Variants in PCDH11X observed in about 807,000 individuals in gnomAD.
The protein encoded by PCDH11X is protocadherin 11 X-linked.
In PCDH11X, 18 loss-of-function variants were observed where a neutral mutation model predicts 53.3. The ratio of observed to expected loss-of-function variants is 0.34; its 90% CI spans 0.23 to 0.50. The LOEUF is 0.50. Among genes scored for constraint, PCDH11X ranks in the 20% least tolerant of loss-of-function variants. The pLI, the probability that PCDH11X is intolerant of heterozygous loss-of-function variation, is 0.98. For synonymous variants in PCDH11X, 279 were observed against 393.3 expected, an observed-to-expected ratio of 0.71 and a Z score of 3.44; for missense variants, 570 against 1,032.4, an observed-to-expected ratio of 0.55 and a Z score of 6.14.
intron 6 of PCDH11X, among the ~76,000 whole-genome samples, chrX:91,967,331 G>A (rs2061881107): frequency 9.1e-6 from 1 of 110,466 alleles, no homozygotes; most frequent in African/African-American, 3.3e-5. Flanking sequence ...TGCACAGCAG[G>A]AGGTGAGCAG....
intron 6 of PCDH11X, among the ~76,000 whole-genome samples, chrX:92,078,020 A>G (rs2063801867): frequency 9.1e-6 from 1 of 110,361 alleles, no homozygotes; most frequent in African/African-American, 3.3e-5. Flanking sequence ...TATTAGCCCT[A>G]TGCTTGTTCC....
intron 8 of PCDH11X, among the ~76,000 whole-genome samples, chrX:92,265,852 T>C (rs1326994856): frequency 8.9e-6 from 1 of 112,160 alleles, no homozygotes; most frequent in Non-Finnish European, 1.9e-5. Context: ...TTAAAATAAG[T>C]GTTTTCATTG....
chrX:92,186,410 A>C (rs1461473722), intron 6 of PCDH11X, among the ~76,000 whole-genome samples: 1 of 111,486 alleles, frequency 9.0e-6, no homozygotes, highest in Non-Finnish European at 1.9e-5. Context: ...CGGGTGCATC[A>C]CCTGACATCG....
At chrX:91,830,935 A>G (rs1937083538) in intron 4 of PCDH11X, among the ~76,000 whole-genome samples, 1 of 111,691 alleles carries the variant, frequency 9.0e-6, no homozygotes, top group South Asian at 3.7e-4. Context: ...ATATATTACA[A>G]ATGAAACCAG....
At chrX:91,956,082 C>CT (rs1373005139) in intron 6 of PCDH11X, among the ~76,000 whole-genome samples, 3 of 110,226 alleles carry the variant, frequency 2.7e-5, no homozygotes, top group Non-Finnish European at 5.7e-5. Flanking sequence ...GCAACCCCTG[C>CT]TTTTTTCTAT....
At chrX:92,176,900 G>A (rs951731914) in intron 6 of PCDH11X, among the ~76,000 whole-genome samples, 2 of 110,675 alleles carry the variant, frequency 1.8e-5, no homozygotes, top group African/African-American at 3.3e-5. Flanking sequence ...TGGGAGTGGG[G>A]AGCAAAGATC....
intron 6 of PCDH11X, among the ~76,000 whole-genome samples, chrX:92,031,188 A>G (rs932254534): frequency 1.9e-4 from 21 of 111,017 alleles, no homozygotes; most frequent in Non-Finnish European, 4.0e-4. Context: ...AATTGGGGTG[A>G]CATTATATCT....
At chrX:92,186,628 CAAA>C (rs34913850) in intron 6 of PCDH11X, among the ~76,000 whole-genome samples, 2 of 63,486 alleles carry the variant, frequency 3.2e-5, no homozygotes, top group African/African-American at 6.7e-5. Flanking sequence ...AACTCCGTCT[CAAA>C]AAAAAAAAAA....
rs757873528 is a variant in PCDH11X at position 92,252,374 on chromosome X, T to TACACACACACACACACACACACAC, written c.3115-10739_3115-10716dup. The stretch of plus-strand genomic sequence containing the variant: ...TTCACAAGCTTCTAGTTTGTCATGT[T>TACACACACACACACACACACACAC]ACACACACACACACACACACACACG... On this transcript the variant is annotated intron_variant, in intron 7 of 10. Coordinates refer to ENST00000682573, the MANE Select transcript of PCDH11X (RefSeq NM_032968.5). Among the ~76,000 whole-genome samples, 36 of 104,607 alleles carry TACACACACACACACACACACACAC rather than the reference T, an allele frequency of 3.4e-4. 1 individual carries two copies. The highest frequency in any genetic ancestry group is 1.2e-3 in the African/African-American group (34 of 28,306). 90.8% of individuals were successfully genotyped at this position (104,607 alleles called of 115,157 possible).
chrX:92,239,453 A>G (rs1026643327), intron 7 of PCDH11X, among the ~76,000 whole-genome samples: 4 of 111,483 alleles, frequency 3.6e-5, no homozygotes, highest in African/African-American at 1.3e-4. Context: ...GGTAAATTTC[A>G]TTTCTATAAA....
At chrX:92,547,929 T>C (rs1170900666) in intron 10 of PCDH11X, among the ~76,000 whole-genome samples, 1 of 109,496 alleles carries the variant, frequency 9.1e-6, no homozygotes, top group Admixed American at 9.9e-5. Flanking sequence ...TATTAAAATG[T>C]CATTTTGGCA....
chrX:92,461,946 T>C (rs1267289178), intron 9 of PCDH11X, among the ~76,000 whole-genome samples: 2 of 112,363 alleles, frequency 1.8e-5, no homozygotes, highest in Admixed American at 9.4e-5. Flanking sequence ...CCTTCAAGTG[T>C]TTAAGTAAAA....
intron 10 of PCDH11X, among the ~76,000 whole-genome samples, chrX:92,524,880 A>G (rs1459690678): frequency 9.0e-6 from 1 of 111,535 alleles, no homozygotes; most frequent in Non-Finnish European, 1.9e-5. Flanking sequence ...GTCTCTAATC[A>G]GGACCTTATG....
At chrX:92,312,841 A>T (rs1209047879) in intron 8 of PCDH11X, among the ~76,000 whole-genome samples, 1 of 111,298 alleles carries the variant, frequency 9.0e-6, no homozygotes, top group Admixed American at 9.6e-5. Context: ...ACCCTGAATG[A>T]GAAGAATTAA....
chrX:92,473,078 A>G (rs1445051268), intron 10 of PCDH11X, among the ~76,000 whole-genome samples: 1 of 107,431 alleles, frequency 9.3e-6, no homozygotes, highest in Admixed American at 1.0e-4. Context: ...TCATCTGCAA[A>G]CAGAGATAGT....
At chrX:92,425,562 G>A (rs909739415) in intron 9 of PCDH11X, among the ~76,000 whole-genome samples, 2 of 110,228 alleles carry the variant, frequency 1.8e-5, no homozygotes, top group Non-Finnish European at 3.8e-5. Flanking sequence ...TGGGTTTGTC[G>A]TGCCTTTTTC....
intron 8 of PCDH11X, among the ~76,000 whole-genome samples, chrX:92,364,817 C>T (rs2070426896): frequency 1.0e-5 from 1 of 97,627 alleles, no homozygotes; most frequent in Admixed American, 1.2e-4. Flanking sequence ...ACGGGGATTC[C>T]TTGAGTCCGG....
intron 8 of PCDH11X, among the ~76,000 whole-genome samples, chrX:92,282,814 C>A (rs1025549167): frequency 9.0e-6 from 1 of 111,072 alleles, no homozygotes; most frequent in Non-Finnish European, 1.9e-5. Flanking sequence ...AGATTGCTAT[C>A]GTTTTTCATT....
At chrX:92,560,270 A>G (rs1354782955) in intron 10 of PCDH11X, among the ~76,000 whole-genome samples, 1 of 109,803 alleles carries the variant, frequency 9.1e-6, no homozygotes, top group Non-Finnish European at 1.9e-5. Flanking sequence ...TAAACTGCTG[A>G]CTAAAGAAAC....
Sources: gnomAD v4.1 joint callset for allele counts (sites outside exome capture counted in the v4.1 genomes callset) on GRCh38, gnomAD v4.1.1 for gene constraint, MANE v1.5 for transcripts, NCBI Gene and HGNC (gene_info 2026-07-23, HGNC 2026-07-21) for gene names.